PTPRD: variants seen among roughly 807,000 people sequenced by gnomAD.
The protein encoded by PTPRD is protein tyrosine phosphatase receptor type D, also known as receptor-type tyrosine-protein phosphatase delta.
A neutral mutation model predicts 214.5 loss-of-function variants in PTPRD; 34 were observed. The ratio of observed to expected loss-of-function variants is 0.16; its 90% CI spans 0.12 to 0.21. PTPRD has a LOEUF of 0.21. Ranked by LOEUF, PTPRD falls within the 10% of genes least tolerant of loss-of-function variation. The probability of loss-of-function intolerance (pLI) is 1.00; values close to 1 mark genes in which losing one functional copy is unlikely to be tolerated. For synonymous variants in PTPRD, 1,128 were observed against 845.7 expected, an observed-to-expected ratio of 1.33 and a Z score of -5.79; for missense variants, 2,545 against 2,398.7, an observed-to-expected ratio of 1.06 and a Z score of -1.27.
chr9:10,248,016 G>C (rs1193668989), intron 3 of PTPRD, among the ~76,000 whole-genome samples: 1 of 152,094 alleles, frequency 6.6e-6, no homozygotes, highest in Admixed American at 6.6e-5. Flanking sequence ...GCTTTAAAAT[G>C]GGAGGTGCCC....
chr9:8,786,025 T>A (rs2095939199), intron 11 of PTPRD, among the ~76,000 whole-genome samples: 1 of 140,592 alleles, frequency 7.1e-6, no homozygotes, highest in African/African-American at 2.7e-5. Flanking sequence ...GAGAAGCCGC[T>A]TAATTTGTTG....
At chr9:10,409,384 T>A (rs1161771426) in intron 2 of PTPRD, among the ~76,000 whole-genome samples, 2 of 151,754 alleles carry the variant, frequency 1.3e-5, no homozygotes, top group African/African-American at 4.8e-5. Context: ...CTCCAGTTAA[T>A]CCTTCATATT....
intron 37 of PTPRD, among the ~76,000 whole-genome samples, chr9:8,377,732 A>C (rs974676364): frequency 6.6e-6 from 1 of 152,116 alleles, no homozygotes; most frequent in African/African-American, 2.4e-5. Flanking sequence ...ACAGAAAATC[A>C]CAATCTTTGG....
At chr9:9,111,353 A>T (rs938326722) in intron 10 of PTPRD, among the ~76,000 whole-genome samples, 5 of 151,528 alleles carry the variant, frequency 3.3e-5, no homozygotes, top group African/African-American at 1.2e-4. Flanking sequence ...ACCTTATAAA[A>T]TCCAGTGAGT....
chr9:8,895,512 G>T (rs959044159), intron 11 of PTPRD, among the ~76,000 whole-genome samples: 1 of 152,168 alleles, frequency 6.6e-6, no homozygotes, highest in Non-Finnish European at 1.5e-5. Flanking sequence ...CAGTGTGGAA[G>T]ATTTTTCAGG....
intron 11 of PTPRD, among the ~76,000 whole-genome samples, chr9:8,814,635 C>T (rs770958755): frequency 7.2e-5 from 11 of 152,252 alleles, no homozygotes; most frequent in Non-Finnish European, 1.5e-4. Context: ...GAGATAAAAA[C>T]AAGGGCATGA....
At chr9:8,335,597 C>T (rs767118099) in intron 43 of PTPRD, among the ~76,000 whole-genome samples, 2 of 152,148 alleles carry the variant, frequency 1.3e-5, no homozygotes, top group African/African-American at 4.8e-5. Flanking sequence ...CAGGGATGCC[C>T]TCTCTCACCA....
At position 9,336,650 on chromosome 9, in the gene PTPRD, C is replaced by A. The variant is rs76031899; in HGVS notation, c.-203+60799G>T. Among the ~76,000 whole-genome samples the A allele has an allele frequency of 3.1e-3, 472 of 152,138 alleles. 3 individuals carry two copies. The highest frequency in any genetic ancestry group is 5.6e-3 in the Non-Finnish European group (378 of 67,980). On this transcript the variant is annotated intron_variant, in intron 9 of 45. Transcript: ENST00000381196. ...TTTGTATACAAAACCACATTTGATC[C>A]AGGCAGAAATATGCTAATATTTTTT...
At chr9:9,751,646 G>GA (rs2098520822) in intron 6 of PTPRD, among the ~76,000 whole-genome samples, 4 of 152,136 alleles carry the variant, frequency 2.6e-5, no homozygotes, top group Admixed American at 2.6e-4. Context: ...GTGAAGAAGA[G>GA]ACACACGGTA....
chr9:10,421,968 A>C (rs1306133297), intron 2 of PTPRD, among the ~76,000 whole-genome samples: 1 of 151,986 alleles, frequency 6.6e-6, no homozygotes, highest in Non-Finnish European at 1.5e-5. Context: ...ATTTAAGTAT[A>C]AAAATTCATT....
intron 8 of PTPRD, among the ~76,000 whole-genome samples, chr9:9,414,570 G>C (rs2076453185): frequency 6.6e-6 from 1 of 152,114 alleles, no homozygotes; most frequent in South Asian, 2.1e-4. Flanking sequence ...GTGAGTGTTG[G>C]TTTTTAATTA....
intron 35 of PTPRD, among the ~76,000 whole-genome samples, chr9:8,428,256 G>A (rs541542796): frequency 7.9e-5 from 12 of 152,112 alleles, no homozygotes; most frequent in Non-Finnish European, 1.3e-4. Flanking sequence ...TGCCATGTTC[G>A]TAAGGAATTG....
In PTPRD at chr9:9,140,799, C is replaced by T. The variant is rs189928454; in HGVS notation, c.-143+42505G>A. Among the ~76,000 whole-genome samples the T allele has an allele frequency of 5.3e-5, 8 of 152,200 alleles. No individual in the cohort carries two copies. The East Asian group carries it at 1.6e-3, about 30-fold the overall frequency. On this transcript the variant is annotated intron_variant, in intron 10 of 45. Transcript: ENST00000381196. The stretch of plus-strand genomic sequence containing the variant: ...TTCACCGTATTAGCCAGGATGGTCT[C>T]GATCTCCTGACCTCGTGATCTGCCC...
chr9:9,257,189 A>C (rs2099978091), intron 9 of PTPRD, among the ~76,000 whole-genome samples: 1 of 151,990 alleles, frequency 6.6e-6, no homozygotes, highest in African/African-American at 2.4e-5. Flanking sequence ...TGGAGGAGTT[A>C]AGTGACTTTG....
At chr9:10,228,802 A>C (rs1373758708) in intron 3 of PTPRD, among the ~76,000 whole-genome samples, 2 of 150,316 alleles carry the variant, frequency 1.3e-5, no homozygotes, top group East Asian at 3.9e-4. Context: ...TATATTATTT[A>C]TATGTAACTT....
intron 7 of PTPRD, among the ~76,000 whole-genome samples, chr9:9,646,954 G>C (rs949779471): frequency 1.1e-4 from 17 of 152,094 alleles, no homozygotes; most frequent in African/African-American, 4.1e-4. Context: ...GGATAAGCTG[G>C]GGAGGTGCAG....
chr9:9,502,478 G>GTA lies in PTPRD; in HGVS notation c.-237+72252_-237+72253dup, dbSNP rs1486386553. Among the ~76,000 whole-genome samples, 3 of 151,938 alleles carry GTA rather than the reference G, an allele frequency of 2.0e-5. No homozygotes were observed. The East Asian group carries it at 5.8e-4, about 29-fold the overall frequency. ...AAGGCTGAATAACATTTTACCATAC[G>GTA]TATATGTATTTCTGTTTTGAGTGTA... On this transcript the variant is annotated intron_variant, in intron 8 of 45. Transcript: ENST00000381196.
chr9:9,162,735 T>G (rs1397164532), intron 10 of PTPRD, among the ~76,000 whole-genome samples: 1 of 152,130 alleles, frequency 6.6e-6, no homozygotes, highest in Non-Finnish European at 1.5e-5. Context: ...AAGTACTATT[T>G]TTTTTCTCTC....
chr9:10,380,668 C>T (rs149563535), intron 2 of PTPRD, among the ~76,000 whole-genome samples: 9 of 152,084 alleles, frequency 5.9e-5, no homozygotes, highest in African/African-American at 1.4e-4. Flanking sequence ...TTCTGAAGTC[C>T]ACGGAACAAA....
Sources: allele counts gnomAD v4.1 joint callset (sites outside exome capture counted in the v4.1 genomes callset), GRCh38; gene constraint gnomAD v4.1.1; transcripts MANE v1.5; gene names NCBI Gene and HGNC (gene_info 2026-07-23, HGNC 2026-07-21).